Variants in GSG1L observed in about 807,000 individuals in gnomAD.
GSG1L encodes the protein GSG1 like.
Under a neutral mutation model 42.1 loss-of-function variants are expected in GSG1L, and 24 were observed. The observed-to-expected ratio is 0.57, with a 90% CI of 0.41 to 0.80. The LOEUF is 0.80. Ranked by LOEUF, GSG1L falls within the 30% of genes least tolerant of loss-of-function variation. GSG1L has a pLI of 0.00. For synonymous variants in GSG1L, 215 were observed against 203.5 expected (o/e 1.06, Z -0.48); for missense variants, 445 against 472.2 (o/e 0.94, Z 0.53).
intron 2 of GSG1L, among the ~76,000 whole-genome samples, chr16:27,896,504 G>T (rs1191436877): frequency 5.3e-5 from 8 of 152,174 alleles, no homozygotes; most frequent in African/African-American, 1.7e-4. Context: ...AACCACCATG[G>T]CACACGTTTA....
At position 28,050,894 on chromosome 16, in the gene GSG1L, G is replaced by A. The variant is rs188459277; in HGVS notation, c.349+12182C>T. 6.7e-4 allele frequency among the ~76,000 whole-genome samples: 102 copies of A among 152,210 alleles called. 1 individual carries two copies. The highest frequency in any genetic ancestry group is 1.4e-3 in the Admixed American group (22 of 15,284). ...AAGCTCCATAAGACAAGGACTGTCC[G>A]CTTTGTCCCCCACTGAATCCACAAG... On this transcript the variant is annotated intron_variant, in intron 1 of 6. Coordinates refer to ENST00000447459, the MANE Select transcript of GSG1L (RefSeq NM_001109763.2).
chr16:28,042,171 C>T (rs1231977583), intron 1 of GSG1L, among the ~76,000 whole-genome samples: 2 of 152,112 alleles, frequency 1.3e-5, no homozygotes, highest in Admixed American at 6.5e-5. Flanking sequence ...CGCAGTGGTT[C>T]GTGCCTGTAA....
At chr16:27,998,230 A>G (rs1409669821) in intron 1 of GSG1L, 2 of 152,150 alleles carry the variant, frequency 1.3e-5, no homozygotes, top group African/African-American at 4.8e-5. Context: ...TTTAGCTCCC[A>G]TTTATAAGTA....
chr16:28,016,633 G>T (rs1284063942), intron 1 of GSG1L, among the ~76,000 whole-genome samples: 1 of 152,082 alleles, frequency 6.6e-6, no homozygotes, highest in East Asian at 1.9e-4. Flanking sequence ...ATAATGTCTG[G>T]AACCTTTCTC....
At position 27,913,645 on chromosome 16, in the gene GSG1L, GTTCA is replaced by G. The variant is rs1173533333; in HGVS notation, c.398-29011_398-29008del. Among the ~76,000 whole-genome samples the G allele has an allele frequency of 4.6e-5, 7 of 152,120 alleles. No individual in the cohort carries two copies. The East Asian group carries it at 1.3e-3, about 29-fold the overall frequency. On this transcript the variant is annotated intron_variant, in intron 2 of 6. Transcript: ENST00000447459. ...TAAAGTTTTATTGGACCACAATCAA[GTTCA>G]TTCATTTATGTATCATCTATGGCTG... is the stretch of plus-strand genomic sequence containing the variant.
intron 1 of GSG1L, among the ~76,000 whole-genome samples, chr16:28,001,864 C>T (rs551781849): frequency 2.0e-5 from 3 of 152,282 alleles, no homozygotes; most frequent in Middle Eastern, 3.4e-3. Flanking sequence ...GGTCTCCACC[C>T]GCTGCTTGGC....
At chr16:27,916,475 T>C (rs772384914) in intron 2 of GSG1L, among the ~76,000 whole-genome samples, 3 of 137,794 alleles carry the variant, frequency 2.2e-5, no homozygotes, top group Admixed American at 8.1e-5. Context: ...TGCCAGCTAA[T>C]ATTTTTAATC....
intron 1 of GSG1L, among the ~76,000 whole-genome samples, chr16:27,988,699 A>G (rs1325518944): frequency 6.6e-6 from 1 of 151,922 alleles, no homozygotes; most frequent in Non-Finnish European, 1.5e-5. Flanking sequence ...AATTTATGTC[A>G]TATTAATAAG....
rs183176421 is a variant in GSG1L, at chr16:27,928,365, C to G, written c.397+34791G>C. Among the ~76,000 whole-genome samples, 9 of 152,296 alleles carry G rather than the reference C, an allele frequency of 5.9e-5. No homozygotes were observed. The East Asian group carries it at 1.5e-3, about 26-fold the overall frequency. ...CCCAACTCTGCCCAGCTCCTCAGGA[C>G]CCTGCAGTAAACAGCATCTGCAATG... On this transcript the variant is annotated intron_variant, in intron 2 of 6. Coordinates refer to ENST00000447459, the MANE Select transcript of GSG1L (RefSeq NM_001109763.2).
At chr16:27,829,107 T>C in intron 4 of GSG1L, 151 bp from the exon 5 acceptor site, 1 of 689,626 alleles carries the variant, frequency 1.5e-6, no homozygotes, top group East Asian at 2.7e-5. Context: ...TAAGACTTGG[T>C]CCCTGCCCCA....
At chr16:27,879,677 T>C (rs1367683005) in intron 3 of GSG1L, among the ~76,000 whole-genome samples, 1 of 152,118 alleles carries the variant, frequency 6.6e-6, no homozygotes, top group Non-Finnish European at 1.5e-5. Flanking sequence ...CTAACCTACA[T>C]GCATCCTCCT....
intron 1 of GSG1L, among the ~76,000 whole-genome samples, chr16:28,033,850 C>A (rs1347540836): frequency 6.6e-6 from 1 of 152,142 alleles, no homozygotes; most frequent in African/African-American, 2.4e-5. Flanking sequence ...AAACAGACTA[C>A]AAAAGAGTAT....
intron 3 of GSG1L, among the ~76,000 whole-genome samples, chr16:27,847,491 G>A (rs574989754): frequency 6.6e-6 from 1 of 152,330 alleles, no homozygotes; most frequent in South Asian, 2.1e-4. Context: ...AGTCCAGGGG[G>A]GCTAAGAATT....
intron 1 of GSG1L, among the ~76,000 whole-genome samples, chr16:27,973,493 T>C (rs2085216522): frequency 6.9e-6 from 1 of 145,608 alleles, no homozygotes; most frequent in African/African-American, 2.5e-5. Context: ...GAGATGGCTT[T>C]CGTTGTCATC....
At chr16:28,011,623 G>C (rs770012322) in intron 1 of GSG1L, among the ~76,000 whole-genome samples, 7 of 152,184 alleles carry the variant, frequency 4.6e-5, no homozygotes, top group Non-Finnish European at 7.3e-5. Flanking sequence ...AGTTTGAAGT[G>C]AGAGAGACTG....
rs71140920 is a variant in GSG1L at position 27,898,674 on chromosome 16, T to TTC, written c.398-14038_398-14037dup. 2.2e-3 allele frequency among the ~76,000 whole-genome samples: 328 copies of TTC among 148,076 alleles called. 2 individuals are homozygous for TTC. Among genetic ancestry groups the TTC allele is most frequent in the African/African-American group, 6.3e-3 (252 of 40,060 alleles). Reference sequence around the variant, plus strand: ...TTTCTGCCTCTCTCTTCCTCCCTCTTTCTCTCTCTCTCTCTCTCTCTCTGT... The same window carrying TTC: ...TTTCTGCCTCTCTCTTCCTCCCTCTTTCTCTCTCTCTCTCTCTCTCTCTCTGT... On this transcript the variant is annotated intron_variant, in intron 2 of 6. Transcript: ENST00000447459.
intron 6 of GSG1L, among the ~76,000 whole-genome samples, chr16:27,807,092 C>A (rs1326487110): frequency 6.6e-6 from 1 of 152,224 alleles, no homozygotes; most frequent in Admixed American, 6.5e-5. Context: ...GAAGTGAATG[C>A]ATCTAAGCTG....
intron 1 of GSG1L, among the ~76,000 whole-genome samples, chr16:27,984,194 T>C (rs895389906): frequency 5.3e-5 from 8 of 152,156 alleles, no homozygotes; most frequent in African/African-American, 1.9e-4. Context: ...TTAATGTTTC[T>C]CTCTGAGAAA....
rs1184924063 is a variant in GSG1L, at chr16:27,789,599, A to G, written c.*1771T>C. The G allele has an allele frequency of 6.6e-6, 1 of 151,884 alleles. No individual in the cohort carries two copies. Among genetic ancestry groups the G allele is most frequent in the East Asian group, 1.9e-4 (1 of 5,138 alleles). 9.4% of individuals were successfully genotyped at this position (151,884 alleles called of 1,614,324 possible). A position where few individuals can be genotyped will look rare whatever the true frequency, so the allele number is the denominator to read the frequency against. Reference sequence around the variant, plus strand: ...GATAAGGGATGAATGGATGATGGATAGATGGAGGAATGGATAATGGATAAA... The same window carrying G: ...GATAAGGGATGAATGGATGATGGATGGATGGAGGAATGGATAATGGATAAA... On this transcript the variant is annotated 3_prime_UTR_variant, in exon 7 of 7. Transcript: ENST00000447459.
Sources: allele counts gnomAD v4.1 joint callset (sites outside exome capture counted in the v4.1 genomes callset), GRCh38; gene constraint gnomAD v4.1.1; transcripts MANE v1.5; gene names NCBI Gene and HGNC (gene_info 2026-07-23, HGNC 2026-07-21).